SAMMSON: variants seen among roughly 807,000 people sequenced by gnomAD.
SAMMSON encodes long intergenic non-protein coding RNA 1212.
chr3:70,403,776 CAGATAT>C (rs1371686323), intron 2 of SAMMSON, among the ~76,000 whole-genome samples: 1 of 152,162 alleles, frequency 6.6e-6, no homozygotes, highest in African/African-American at 2.4e-5. Context: ...CTTCTGATCA[CAGATAT>C]AGATATAAAG....
At chr3:70,079,330 T>G (rs1182966878) in intron 4 of SAMMSON, among the ~76,000 whole-genome samples, 4 of 152,122 alleles carry the variant, frequency 2.6e-5, no homozygotes, top group Non-Finnish European at 5.9e-5. Context: ...GGTGGGAGTA[T>G]TTACTTTAGG....
At chr3:70,317,551 T>C (rs937181235) in intron 7 of SAMMSON, among the ~76,000 whole-genome samples, 1 of 151,702 alleles carries the variant, frequency 6.6e-6, no homozygotes, top group Non-Finnish European at 1.5e-5. Flanking sequence ...GTTGCAGCAG[T>C]CTGGAACTAA....
intron 3 of SAMMSON, among the ~76,000 whole-genome samples, chr3:70,027,985 A>T (rs1220238845): frequency 6.6e-6 from 1 of 152,196 alleles, no homozygotes; most frequent in African/African-American, 2.4e-5. Flanking sequence ...ATTCAGCAGT[A>T]TTAGGGCAAA....
chr3:70,074,352 T>C (rs989700566), intron 4 of SAMMSON, among the ~76,000 whole-genome samples: 6 of 152,086 alleles, frequency 3.9e-5, no homozygotes, highest in African/African-American at 7.2e-5. Context: ...CTTTAGGAGA[T>C]AGGGAAATTT....
chr3:70,176,186 A>G (rs1405586545), intron 4 of SAMMSON, among the ~76,000 whole-genome samples: 1 of 152,152 alleles, frequency 6.6e-6, no homozygotes, highest in Non-Finnish European at 1.5e-5. Context: ...ATTGAGGACC[A>G]GGCAAATCAT....
chr3:70,109,381 C>T (rs981789566), intron 4 of SAMMSON, among the ~76,000 whole-genome samples: 12 of 152,084 alleles, frequency 7.9e-5, no homozygotes, highest in South Asian at 2.1e-4. Flanking sequence ...ACTTCCATCC[C>T]GGCTACAATT....
intron 4 of SAMMSON, among the ~76,000 whole-genome samples, chr3:70,149,832 A>G (rs890461906): frequency 6.6e-6 from 1 of 152,040 alleles, no homozygotes; most frequent in African/African-American, 2.4e-5. Flanking sequence ...TCCTACTTAC[A>G]AGTTATCTTG....
At chr3:70,157,268 C>T (rs2106690739) in intron 4 of SAMMSON, among the ~76,000 whole-genome samples, 1 of 152,210 alleles carries the variant, frequency 6.6e-6, no homozygotes, top group East Asian at 1.9e-4. Flanking sequence ...TCACCTGCCA[C>T]TCTGGCTACG....
At chr3:70,369,489 T>A (rs1251891308) in intron 9 of SAMMSON, among the ~76,000 whole-genome samples, 1 of 151,470 alleles carries the variant, frequency 6.6e-6, no homozygotes, top group Non-Finnish European at 1.5e-5. Flanking sequence ...GCAGTTTAAT[T>A]TTTTTTCCGT....
intron 4 of SAMMSON, among the ~76,000 whole-genome samples, chr3:70,143,966 T>G (rs948214376): frequency 2.0e-5 from 3 of 152,166 alleles, no homozygotes; most frequent in African/African-American, 7.2e-5. Context: ...GACCATCATT[T>G]TGACTTTTGG....
chr3:70,172,654 G>A (rs1449450828), intron 4 of SAMMSON: 6 of 151,912 alleles, frequency 3.9e-5, no homozygotes, highest in African/African-American at 1.2e-4. Context: ...AAGGGGAAGG[G>A]CTAAGGGCAA....
chr3:70,386,635 T>C (rs566844300), intron 9 of SAMMSON, among the ~76,000 whole-genome samples: 59 of 152,214 alleles, frequency 3.9e-4, no homozygotes, highest in Admixed American at 1.4e-3. Flanking sequence ...AAGCCCAATG[T>C]AATTAGAAAA....
intron 4 of SAMMSON, among the ~76,000 whole-genome samples, chr3:70,178,178 G>C (rs1272924065): frequency 6.6e-6 from 1 of 151,998 alleles, no homozygotes; most frequent in Non-Finnish European, 1.5e-5. Flanking sequence ...AACAGTTCCA[G>C]GCTCTTCTCT....
At chr3:70,395,393 G>A (rs1463478606) in intron 2 of SAMMSON, among the ~76,000 whole-genome samples, 1 of 132,866 alleles carries the variant, frequency 7.5e-6, no homozygotes, top group Non-Finnish European at 1.5e-5. Flanking sequence ...CCTCTAAACT[G>A]CCCATAAGAG....
At chr3:70,248,136 T>A (rs1333041597) in intron 4 of SAMMSON, among the ~76,000 whole-genome samples, 1 of 152,060 alleles carries the variant, frequency 6.6e-6, no homozygotes, top group African/African-American at 2.4e-5. Flanking sequence ...ACCATATTAT[T>A]CTCTGTCCTG....
chr3:69,999,853 G>A (rs1205116864), exon 1 of SAMMSON: 1 of 152,406 alleles, frequency 6.6e-6, no homozygotes, highest in African/African-American at 2.4e-5. Context: ...GCAGGCCATT[G>A]ACCAGCGGGA....
intron 3 of SAMMSON, among the ~76,000 whole-genome samples, chr3:70,052,698 ATTC>A (rs2067151008): frequency 6.6e-6 from 1 of 152,070 alleles, no homozygotes. Context: ...GGGCTGAATA[ATTC>A]TTCATTGTGA....
chr3:70,258,131 A>G (rs1701833790), intron 6 of SAMMSON, among the ~76,000 whole-genome samples: 2 of 152,214 alleles, frequency 1.3e-5, no homozygotes, highest in South Asian at 4.1e-4. Flanking sequence ...AGACAAAAAA[A>G]TTAATTTGAA....
intron 4 of SAMMSON, among the ~76,000 whole-genome samples, chr3:70,246,137 A>G (rs1701706568): frequency 6.6e-6 from 1 of 151,962 alleles, no homozygotes; most frequent in South Asian, 2.1e-4. Context: ...TGCTTCTGGG[A>G]TGAACCGTAG....
Sources: allele counts gnomAD v4.1 joint callset (sites outside exome capture counted in the v4.1 genomes callset), GRCh38; gene constraint gnomAD v4.1.1; transcripts MANE v1.5; gene names NCBI Gene and HGNC (gene_info 2026-07-23, HGNC 2026-07-21).